Variants in C6 observed in about 807,000 individuals in gnomAD.
C6 encodes the protein complement C6.
Under a neutral mutation model 112.9 loss-of-function variants are expected in C6, and 101 were observed. The observed-to-expected ratio is 0.89, with a 90% CI of 0.76 to 1.06. C6 has a LOEUF of 1.06. Ranked by LOEUF, C6 falls within the 50% of genes least tolerant of loss-of-function variation. The pLI is 0.00. For missense variants in C6, 1,202 were observed against 1,104.6 expected (o/e 1.09, Z -1.25); for synonymous variants, 431 against 384.1 (o/e 1.12, Z -1.43).
chr5:41,246,957 A>G (rs781038177), intron 1 of C6, among the ~76,000 whole-genome samples: 1 of 152,212 alleles, frequency 6.6e-6, no homozygotes, highest in Admixed American at 6.5e-5. Flanking sequence ...AGAAAGTTAA[A>G]TCTGTGCAAT....
rs142836385 is a variant in C6 at position 41,149,346 on chromosome 5, C to T, written c.2518G>A (p.Gly840Ser). The change falls in exon 17 of 18, where the codon GGC (glycine) becomes AGC (serine). Residue 840 changes from glycine (G) to serine (S), a missense_variant. Gly to Ser is a moderately conservative substitution (Grantham distance 56). Coordinates refer to ENST00000337836, the MANE Select transcript of C6 (RefSeq NM_000065.5). The stretch of plus-strand genomic sequence containing the variant: ...TCAAGACCCCATTCTAACTGGCGGC[C>T]GTCTTGGCAGGAACCAATATGTAGA... The part of the protein sequence containing the change: ...HFLHIGSCQD[G>S]RQLEWGLERT... 3.1e-3 allele frequency: 5,001 copies of T among 1,614,030 alleles called. 22 individuals carry two copies. Among genetic ancestry groups the T allele is most frequent in the Non-Finnish European group, 3.2e-3 (3,758 of 1,179,990 alleles).
At chr5:41,180,218 A>G (rs932939942) in intron 7 of C6, among the ~76,000 whole-genome samples, 2 of 152,194 alleles carry the variant, frequency 1.3e-5, no homozygotes, top group African/African-American at 4.8e-5. Context: ...CAACCGTAAT[A>G]TGGTGGCCTC....
intron 5 of C6, among the ~76,000 whole-genome samples, chr5:41,195,213 C>T (rs1347935636): frequency 2.0e-5 from 3 of 152,190 alleles, no homozygotes; most frequent in East Asian, 3.9e-4. Context: ...CTTACGTTTT[C>T]ACACCCTTGT....
chr5:41,147,581 CA>C (rs1382812061), intron 17 of C6, among the ~76,000 whole-genome samples: 1 of 151,974 alleles, frequency 6.6e-6, no homozygotes, highest in Non-Finnish European at 1.5e-5. Flanking sequence ...GCCACAAAGT[CA>C]AAAAAGAGTC....
At chr5:41,146,974 G>C (rs936477212) in intron 17 of C6, among the ~76,000 whole-genome samples, 1 of 151,986 alleles carries the variant, frequency 6.6e-6, no homozygotes, top group East Asian at 1.9e-4. Flanking sequence ...GCTTCTCTAT[G>C]ATAAATAAGG....
chr5:41,245,437 G>A (rs1045893290), intron 1 of C6, among the ~76,000 whole-genome samples: 3 of 152,000 alleles, frequency 2.0e-5, no homozygotes, highest in Admixed American at 6.6e-5. Flanking sequence ...CAGGAGAATC[G>A]CTTGAACTCA....
intron 9 of C6, among the ~76,000 whole-genome samples, chr5:41,162,371 A>ACTT (rs2150274546): frequency 1.3e-5 from 2 of 152,304 alleles, no homozygotes; most frequent in East Asian, 3.9e-4. Context: ...TCATGGTGAA[A>ACTT]CTTCCAATTA....
upstream of C6, among the ~76,000 whole-genome samples, chr5:41,217,201 G>C (rs1752225679): frequency 6.6e-6 from 1 of 151,920 alleles, no homozygotes; most frequent in Admixed American, 6.6e-5. Flanking sequence ...CTTTAGATCA[G>C]ATGCTACATG....
chr5:41,239,111 C>CT (rs34322889), intron 1 of C6, among the ~76,000 whole-genome samples: 52,315 of 121,482 alleles, frequency 0.43, 13,204 homozygotes, highest in Non-Finnish European at 0.57. Flanking sequence ...TCTTTTCTTT[C>CT]TTTTTTTTTT....
chr5:41,199,691 T>C (rs1177361610), intron 4 of C6, 77 bp downstream of exon 4: 6 of 1,365,118 alleles, frequency 4.4e-6, no homozygotes, highest in South Asian at 1.2e-5. Flanking sequence ...TGGATTCTAC[T>C]GTTAGTCAAT....
At chr5:41,219,835 A>G (rs1053684309) in intron 1 of C6, among the ~76,000 whole-genome samples, 9 of 152,162 alleles carry the variant, frequency 5.9e-5, no homozygotes, top group African/African-American at 2.2e-4. Flanking sequence ...CTTCCAGGAG[A>G]AAGGTTGTCT....
At chr5:41,230,098 A>C (rs1319579914) in intron 1 of C6, among the ~76,000 whole-genome samples, 4 of 152,162 alleles carry the variant, frequency 2.6e-5, no homozygotes, top group African/African-American at 9.7e-5. Flanking sequence ...CTTTAATCTC[A>C]TAATCACGTT....
chr5:41,146,579 A>C (rs1745847666), intron 17 of C6, among the ~76,000 whole-genome samples: 1 of 152,208 alleles, frequency 6.6e-6, no homozygotes, highest in Non-Finnish European at 1.5e-5. Context: ...AATTAAAGAA[A>C]GCTAGCAGAG....
At chr5:41,245,170 T>C (rs941973455) in intron 1 of C6, among the ~76,000 whole-genome samples, 2 of 152,230 alleles carry the variant, frequency 1.3e-5, no homozygotes, top group African/African-American at 4.8e-5. Context: ...AAATAAGTTG[T>C]GAAGTTTTGC....
intron 1 of C6, among the ~76,000 whole-genome samples, chr5:41,242,392 T>G (rs530465912): frequency 6.6e-6 from 1 of 152,332 alleles, no homozygotes; most frequent in East Asian, 1.9e-4. Flanking sequence ...CTGCCATGAT[T>G]GTAAGTTTCC....
chr5:41,211,265 A>G (rs1363637526), intron 1 of C6, among the ~76,000 whole-genome samples: 1 of 151,938 alleles, frequency 6.6e-6, no homozygotes, highest in Non-Finnish European at 1.5e-5. Flanking sequence ...GAGGCATAGC[A>G]TTAGGACATA....
Position 41,143,516 on chromosome 5 carries a change from A to G in C6, c.2624-510T>C, listed in dbSNP as rs190021611. Among the ~76,000 whole-genome samples the G allele has an allele frequency of 2.3e-3, 344 of 152,320 alleles. 3 individuals carry two copies. Among genetic ancestry groups the G allele is most frequent in the African/African-American group, 7.7e-3 (320 of 41,576 alleles). ...CATTCATCGTTATCATTTGTAGAGC[A>G]TGTACTGTGAAGCCACACAATATGC... On this transcript the variant is annotated intron_variant, in intron 17 of 17. Transcript: ENST00000337836.
At chr5:41,219,306 G>A (rs1739022907) in intron 1 of C6, among the ~76,000 whole-genome samples, 1 of 152,156 alleles carries the variant, frequency 6.6e-6, no homozygotes, top group African/African-American at 2.4e-5. Context: ...TCTTCTTTTA[G>A]GTAGGGTCAT....
intron 5 of C6, 35 bp from the exon 6 acceptor site, chr5:41,186,243 T>G: frequency 6.2e-7 from 1 of 1,610,828 alleles, no homozygotes; most frequent in Non-Finnish European, 8.5e-7. Flanking sequence ...ATTCAACAGA[T>G]GTAGAACAAT....
Sources: gnomAD v4.1 joint callset for allele counts (sites outside exome capture counted in the v4.1 genomes callset) on GRCh38, gnomAD v4.1.1 for gene constraint, MANE v1.5 for transcripts, NCBI Gene and HGNC (gene_info 2026-07-23, HGNC 2026-07-21) for gene names.